UNC13B: variants seen among roughly 807,000 people sequenced by gnomAD.
The protein encoded by UNC13B is protein unc-13 homolog B.
UNC13B carries 144 observed loss-of-function variants against 211.0 expected under a neutral mutation model. The ratio of observed to expected loss-of-function variants is 0.68; its 90% confidence interval spans 0.60 to 0.78. The LOEUF (loss-of-function observed/expected upper bound fraction) is 0.78, where lower values mean the gene tolerates loss of function less well. Ranked by LOEUF, UNC13B falls within the 30% of genes least tolerant of loss-of-function variation. The pLI, the probability that UNC13B is intolerant of heterozygous loss-of-function variation, is 0.00. For synonymous variants in UNC13B, 709 were observed against 725.8 expected, an observed-to-expected ratio of 0.98 and a Z score of 0.37; for missense variants, 1,777 against 2,002.0, an observed-to-expected ratio of 0.89 and a Z score of 2.14.
chr9:35,179,216 A>T (rs894167277), intron 1 of UNC13B, among the ~76,000 whole-genome samples: 5 of 152,196 alleles, frequency 3.3e-5, no homozygotes, highest in Non-Finnish European at 7.3e-5. Flanking sequence ...GATGGCTGTT[A>T]TGCATTGTTG....
At chr9:35,315,155 G>A (rs1261452509) in intron 11 of UNC13B, among the ~76,000 whole-genome samples, 1 of 149,732 alleles carries the variant, frequency 6.7e-6, no homozygotes, top group Non-Finnish European at 1.5e-5. Flanking sequence ...GCCTTCCAAA[G>A]TGCTGAGAGT....
At chr9:35,326,985 G>A (rs1327747041) in intron 11 of UNC13B, among the ~76,000 whole-genome samples, 2 of 152,136 alleles carry the variant, frequency 1.3e-5, no homozygotes, top group Non-Finnish European at 2.9e-5. Flanking sequence ...CATATGATTT[G>A]CAAATATTTT....
At chr9:35,356,312 C>T (rs1219216409) in intron 11 of UNC13B, among the ~76,000 whole-genome samples, 1 of 152,088 alleles carries the variant, frequency 6.6e-6, no homozygotes, top group Non-Finnish European at 1.5e-5. Flanking sequence ...TACTGTTCTG[C>T]TTGGGATCTT....
chr9:35,240,039 G>T (rs1825722685), intron 5 of UNC13B, among the ~76,000 whole-genome samples: 1 of 152,194 alleles, frequency 6.6e-6, no homozygotes, highest in African/African-American at 2.4e-5. Context: ...ACAGGCATAG[G>T]AAATCTCGAG....
chr9:35,348,563 A>G (rs935790093), intron 11 of UNC13B, among the ~76,000 whole-genome samples: 4 of 152,204 alleles, frequency 2.6e-5, no homozygotes, highest in East Asian at 1.9e-4. Context: ...AGTAGAAGTC[A>G]TGGCTCACTC....
intron 26 of UNC13B, among the ~76,000 whole-genome samples, 162 bp from the exon 27 acceptor site, chr9:35,396,314 A>C (rs1030933067): frequency 7.2e-5 from 11 of 152,210 alleles, no homozygotes; most frequent in Admixed American, 3.9e-4. Context: ...GTTGCTGAGC[A>C]GAACACTGTT....
At chr9:35,400,720 C>T (rs1255187165) in intron 37 of UNC13B, among the ~76,000 whole-genome samples, 1 of 152,180 alleles carries the variant, frequency 6.6e-6, no homozygotes, top group African/African-American at 2.4e-5. Flanking sequence ...AAGGAATATA[C>T]CCTGACTGGT....
chr9:35,180,266 T>G (rs1821862099), intron 1 of UNC13B, among the ~76,000 whole-genome samples: 1 of 152,196 alleles, frequency 6.6e-6, no homozygotes, highest in Non-Finnish European at 1.5e-5. Flanking sequence ...AATTAATTTT[T>G]TTTTCAAGGA....
intron 11 of UNC13B, among the ~76,000 whole-genome samples, chr9:35,328,289 G>T (rs1195824228): frequency 6.6e-6 from 1 of 152,174 alleles, no homozygotes; most frequent in Non-Finnish European, 1.5e-5. Flanking sequence ...CTACCAAAGT[G>T]CTGGGATTAC....
At chr9:35,349,806 C>T (rs1489532147) in intron 11 of UNC13B, among the ~76,000 whole-genome samples, 1 of 152,186 alleles carries the variant, frequency 6.6e-6, no homozygotes, top group Non-Finnish European at 1.5e-5. Flanking sequence ...TCTGGGGAAG[C>T]ACAATGCTTT....
At chr9:35,276,423 CCT>C (rs1478243900) in intron 7 of UNC13B, among the ~76,000 whole-genome samples, 2 of 151,974 alleles carry the variant, frequency 1.3e-5, no homozygotes, top group Non-Finnish European at 2.9e-5. Flanking sequence ...AGAAATGTTT[CCT>C]CTGTCTGCAC....
chr9:35,297,554 T>TG, intron 8 of UNC13B, among the ~76,000 whole-genome samples: 1 of 134,258 alleles, frequency 7.4e-6, no homozygotes, highest in Non-Finnish European at 1.7e-5. Context: ...TGTCTTTTTT[T>TG]TTTTTTTTTT....
At chr9:35,312,420 T>C (rs1217852306) in intron 10 of UNC13B, among the ~76,000 whole-genome samples, 1 of 152,222 alleles carries the variant, frequency 6.6e-6, no homozygotes, top group Non-Finnish European at 1.5e-5. Context: ...AGGCTTCTTA[T>C]TGGGTTGATG....
At chr9:35,380,361 T>C in intron 17 of UNC13B, 109 bp from the exon 18 acceptor site, 1 of 1,218,960 alleles carries the variant, frequency 8.2e-7, no homozygotes, top group Non-Finnish European at 1.1e-6. Context: ...ACTTCTCCTC[T>C]TTCAGGGCCT....
chr9:35,351,330 G>T lies in UNC13B; in HGVS notation c.9415-15617G>T, dbSNP rs528710627. ...ATCAAGCCAGGATCCAGGGGCATGT[G>T]CGAGGTTTGGAGGCCACACATGGGG... On this transcript the variant is annotated intron_variant, in intron 11 of 39. Transcript: ENST00000635942. 92 of 1,221,986 alleles carry T rather than the reference G, an allele frequency of 7.5e-5. 1 individual carries two copies. The African/African-American group carries it at 1.3e-3, about 17-fold the overall frequency. The allele number at this position is 1,221,986 out of a possible 1,614,324, so 75.7% of individuals were successfully genotyped here.
At chr9:35,184,517 G>A (rs1204027650) in intron 1 of UNC13B, among the ~76,000 whole-genome samples, 5 of 152,174 alleles carry the variant, frequency 3.3e-5, no homozygotes, top group East Asian at 1.9e-4. Context: ...AGACCAGCCC[G>A]GTCAACAGGG....
chr9:35,310,503 T>C lies in UNC13B; in HGVS notation c.9045T>C (p.Asn3015=). The C allele has an allele frequency of 6.2e-7, 1 of 1,614,104 alleles. No individual in the cohort carries two copies. Among genetic ancestry groups the C allele is most frequent in the South Asian group, 1.1e-5 (1 of 91,074 alleles). The change falls in exon 10 of 40, where the codon AAT becomes AAC. Residue 3015 remains asparagine, a synonymous_variant. Coordinates refer to ENST00000635942, the MANE Select transcript of UNC13B (RefSeq NM_001371189.2). ...GCAGTAGGTATGGCTCCTCCTGTAA[T>C]GTGAGTCAAGGAAGCTCTCAGCTAA... ...TSSSRYGSSC[N]VSQGSSQLSE... is the part of the protein sequence containing the mutation.
chr9:35,224,482 A>G (rs1824728231), intron 1 of UNC13B, among the ~76,000 whole-genome samples: 1 of 152,164 alleles, frequency 6.6e-6, no homozygotes, highest in East Asian at 1.9e-4. Context: ...ATTTTGTATT[A>G]TGCAACTTTA....
In UNC13B at chr9:35,396,860, C is replaced by T. The variant is rs1485317137; in HGVS notation, c.11455C>T (p.Leu3819=). The stretch of plus-strand genomic sequence containing the variant: ...CTGCAGGTGGTTTGAGCAGTTCGTG[C>T]TACAATGGCTGGATGAGAATGAGGA... ...EYPAWFEQFV[L]QWLDENEDVS... The change falls in exon 28 of 40, where the codon CTA becomes TTA. Residue 3819 remains leucine, a synonymous_variant. Transcript: ENST00000635942. 6.2e-7 allele frequency: 1 copy of T among 1,614,156 alleles called. No individual in the cohort carries two copies. Among genetic ancestry groups the T allele is most frequent in the Admixed American group, 1.7e-5 (1 of 60,018 alleles).
Sources: gnomAD v4.1 joint callset for allele counts (sites outside exome capture counted in the v4.1 genomes callset) on GRCh38, gnomAD v4.1.1 for gene constraint, MANE v1.5 for transcripts, NCBI Gene and HGNC (gene_info 2026-07-23, HGNC 2026-07-21) for gene names.